The following PRKD1 variants were observed in gnomAD, a reference collection of about 807,000 sequenced individuals.
PRKD1 encodes the protein protein kinase D1.
PRKD1 carries 63 observed loss-of-function variants against 95.9 expected under a neutral mutation model. That is an observed-to-expected ratio of 0.66 (90% confidence interval 0.54 to 0.81). The LOEUF is 0.81. Among genes scored for constraint, PRKD1 ranks in the 30% least tolerant of loss-of-function variants. PRKD1 has a pLI of 0.00. For synonymous variants in PRKD1, 425 were observed against 423.1 expected (o/e 1.00, Z -0.05); for missense variants, 1,048 against 1,165.3 (o/e 0.90, Z 1.47).
intron 2 of PRKD1, among the ~76,000 whole-genome samples, chr14:29,703,749 T>A (rs552318427): frequency 3.6e-4 from 55 of 152,230 alleles, no homozygotes; most frequent in African/African-American, 1.3e-3. Context: ...TAATCAGTCA[T>A]GCAAACATAA....
chr14:29,689,669 G>T (rs116786228), intron 2 of PRKD1, among the ~76,000 whole-genome samples: 1,978 of 152,230 alleles, frequency 0.013, 45 homozygotes, highest in African/African-American at 0.043. Flanking sequence ...AAGATGCATG[G>T]ACGTGTATGT....
intron 12 of PRKD1, 58 bp downstream of exon 12, chr14:29,626,426 T>C: frequency 1.4e-6 from 2 of 1,391,410 alleles, no homozygotes; most frequent in Admixed American, 1.7e-5. Flanking sequence ...ATATCGCTTT[T>C]TAAAATATAA....
rs115980393 is a variant in PRKD1 at position 29,806,932 on chromosome 14, G to A, written c.265-81258C>T. Among the ~76,000 whole-genome samples the A allele has an allele frequency of 6.9e-3, 1,043 of 152,074 alleles. 18 individuals carry two copies. Among genetic ancestry groups the A allele is most frequent in the African/African-American group, 0.024 (982 of 41,472 alleles). On this transcript the variant is annotated intron_variant, in intron 1 of 17. Transcript: ENST00000331968. ...AAACCATATTGTCGCAATATGGCAA[G>A]TCACACAAATTTTCAGGTTTCTCAA... is the stretch of plus-strand genomic sequence containing the variant.
rs973206927 is a variant in PRKD1 at position 29,658,757 on chromosome 14, T to C, written c.696+4942A>G. On this transcript the variant is annotated intron_variant, in intron 4 of 17. Coordinates refer to ENST00000331968, the MANE Select transcript of PRKD1 (RefSeq NM_002742.3). ...CTACTGCAGGTGACAATGTTTATTA[T>C]GCAAATGAATACTAGTATCCCAGAA... Among the ~76,000 whole-genome samples the C allele has an allele frequency of 3.3e-5, 5 of 152,370 alleles. No individual in the cohort carries two copies. In the South Asian group the frequency reaches 1.0e-3, roughly 32 times the overall value.
chr14:29,718,804 G>A (rs1885747060), intron 2 of PRKD1, among the ~76,000 whole-genome samples: 1 of 152,130 alleles, frequency 6.6e-6, no homozygotes, highest in Admixed American at 6.5e-5. Context: ...TAGTAGGGCT[G>A]AGAAGGTGTT....
chr14:29,676,040 A>C (rs973921354), intron 2 of PRKD1, among the ~76,000 whole-genome samples: 2 of 151,868 alleles, frequency 1.3e-5, no homozygotes, highest in African/African-American at 4.8e-5. Context: ...ATGACGCGTT[A>C]ATGGGTGCAG....
chr14:29,829,404 T>C (rs984274075), intron 1 of PRKD1, among the ~76,000 whole-genome samples: 1 of 152,242 alleles, frequency 6.6e-6, no homozygotes, highest in African/African-American at 2.4e-5. Flanking sequence ...CAGTACCAGA[T>C]TTTCCTCAAG....
intron 1 of PRKD1, among the ~76,000 whole-genome samples, chr14:29,808,987 C>A (rs544631516): frequency 6.6e-5 from 10 of 152,174 alleles, no homozygotes; most frequent in Non-Finnish European, 1.3e-4. Context: ...TAAACAATAA[C>A]ACTTGAAAGT....
At chr14:29,903,648 A>C (rs1156702270) in intron 1 of PRKD1, among the ~76,000 whole-genome samples, 1 of 152,226 alleles carries the variant, frequency 6.6e-6, no homozygotes, top group Admixed American at 6.5e-5. Flanking sequence ...AAAACCCTGG[A>C]TTAAAAATAA....
chr14:29,921,647 A>G (rs1895111168), intron 1 of PRKD1, among the ~76,000 whole-genome samples: 1 of 152,210 alleles, frequency 6.6e-6, no homozygotes, highest in African/African-American at 2.4e-5. Flanking sequence ...CTTATATACA[A>G]TCATCTCACA....
At chr14:29,591,765 C>A (rs907894735) in intron 16 of PRKD1, among the ~76,000 whole-genome samples, 1 of 152,118 alleles carries the variant, frequency 6.6e-6, no homozygotes, top group African/African-American at 2.4e-5. Context: ...CACACCCCTG[C>A]GACCTACTTC....
At chr14:29,588,331 T>C (rs1566469481) in intron 16 of PRKD1, among the ~76,000 whole-genome samples, 1 of 152,192 alleles carries the variant, frequency 6.6e-6, no homozygotes, top group South Asian at 2.1e-4. Flanking sequence ...AAACATACCA[T>C]GTGGTAATGG....
chr14:29,857,189 T>C (rs1468172761), intron 1 of PRKD1, among the ~76,000 whole-genome samples: 4 of 152,110 alleles, frequency 2.6e-5, no homozygotes, highest in African/African-American at 4.8e-5. Context: ...TCAGAAAACA[T>C]AGTCATTAAT....
chr14:29,632,624 C>T (rs1880082004), intron 9 of PRKD1, among the ~76,000 whole-genome samples: 1 of 151,306 alleles, frequency 6.6e-6, no homozygotes, highest in South Asian at 2.1e-4. Context: ...ACCTCCCTCC[C>T]TCTCCCATCA....
chr14:29,899,334 T>C (rs1332948793), intron 1 of PRKD1, among the ~76,000 whole-genome samples: 1 of 152,128 alleles, frequency 6.6e-6, no homozygotes, highest in Non-Finnish European at 1.5e-5. Context: ...ACCTTATACA[T>C]TGGGAGGTTG....
Position 29,638,577 on chromosome 14 carries a change from T to G in PRKD1, c.908-11A>C, listed in dbSNP as rs759824420. ...AGTTGAATCTGCAATCTAATCCCAG[T>G]GATTTTCAAACAAAACAAAATGAGA... On this transcript the variant is annotated splice_polypyrimidine_tract_variant and intron_variant, in intron 5 of 17. Coordinates refer to ENST00000331968, the MANE Select transcript of PRKD1 (RefSeq NM_002742.3). 1.9e-6 allele frequency: 3 copies of G among 1,614,014 alleles called. No individual in the cohort carries two copies. The highest frequency in any genetic ancestry group is 2.7e-5 in the African/African-American group (2 of 74,930).
intron 13 of PRKD1, among the ~76,000 whole-genome samples, chr14:29,608,731 G>T (rs976762308): frequency 1.4e-4 from 21 of 152,172 alleles, no homozygotes; most frequent in African/African-American, 4.6e-4. Context: ...GGGAAAGGCT[G>T]TGTGTTATAT....
intron 1 of PRKD1, among the ~76,000 whole-genome samples, chr14:29,752,459 A>AGGCCGGGCGCGGTGGCTC (rs1887521497): frequency 6.6e-6 from 1 of 152,096 alleles, no homozygotes; most frequent in Non-Finnish European, 1.5e-5. Context: ...AACTGCAGGG[A>AGGCCGGGCGCGGTGGCTC]AAGATAAAGT....
intron 1 of PRKD1, among the ~76,000 whole-genome samples, chr14:29,855,901 G>T (rs756640137): frequency 6.6e-6 from 1 of 152,138 alleles, no homozygotes; most frequent in Non-Finnish European, 1.5e-5. Context: ...CACCATGATT[G>T]TGAGGCCTCT....
Sources: allele counts gnomAD v4.1 joint callset (sites outside exome capture counted in the v4.1 genomes callset), GRCh38; gene constraint gnomAD v4.1.1; transcripts MANE v1.5; gene names NCBI Gene and HGNC (gene_info 2026-07-23, HGNC 2026-07-21).